Variants in ZFHX3 observed in about 807,000 individuals in gnomAD.
ZFHX3 encodes zinc finger homeobox protein 3.
A neutral mutation model predicts 279.1 loss-of-function variants in ZFHX3; 42 were observed. The ratio of observed to expected loss-of-function variants is 0.15; its 90% CI spans 0.12 to 0.19. The LOEUF (loss-of-function observed/expected upper bound fraction) is 0.19. ZFHX3 is among the 10% of genes least tolerant of loss of function. ZFHX3 has a pLI of 1.00. For synonymous variants in ZFHX3, 2,293 were observed against 1,957.8 expected, an observed-to-expected ratio of 1.17 and a Z score of -4.52; for missense variants, 4,981 against 4,754.0, an observed-to-expected ratio of 1.05 and a Z score of -1.40.
At chr16:72,922,314 C>T (rs562144990) in intron 3 of ZFHX3, among the ~76,000 whole-genome samples, 7 of 151,482 alleles carry the variant, frequency 4.6e-5, no homozygotes, top group Non-Finnish European at 7.4e-5. Flanking sequence ...CCTCCATCCT[C>T]TCCTAACCAT....
intron 7 of ZFHX3, among the ~76,000 whole-genome samples, chr16:72,806,449 C>T (rs1225439178): frequency 6.6e-6 from 1 of 152,100 alleles, no homozygotes; most frequent in Non-Finnish European, 1.5e-5. Context: ...TGGCAGTATA[C>T]CAAGGTCACT....
At chr16:72,900,855 G>A (rs1029294379) in intron 3 of ZFHX3, among the ~76,000 whole-genome samples, 2 of 152,174 alleles carry the variant, frequency 1.3e-5, no homozygotes, top group African/African-American at 2.4e-5. Flanking sequence ...CAATGGCCAC[G>A]GAAAAAGGAC....
At chr16:73,813,299 C>A (rs761671424) in intron 1 of ZFHX3, among the ~76,000 whole-genome samples, 1 of 151,486 alleles carries the variant, frequency 6.6e-6, no homozygotes, top group South Asian at 2.1e-4. Context: ...CACTAATAAG[C>A]GAGCCAGGAT....
At chr16:73,031,609 A>AACTC (rs1382177131) in intron 1 of ZFHX3, among the ~76,000 whole-genome samples, 1 of 152,240 alleles carries the variant, frequency 6.6e-6, no homozygotes, top group Non-Finnish European at 1.5e-5. Context: ...CAAAAACAAT[A>AACTC]ACTCACTAAT....
intron 1 of ZFHX3, among the ~76,000 whole-genome samples, chr16:73,709,402 A>T (rs2053335880): frequency 6.6e-6 from 1 of 151,934 alleles, no homozygotes; most frequent in Non-Finnish European, 1.5e-5. Flanking sequence ...AAAAGAAAAG[A>T]AAAAAAGAGA....
chr16:73,840,824 C>A (rs1450058645), intron 1 of ZFHX3, among the ~76,000 whole-genome samples: 3 of 152,198 alleles, frequency 2.0e-5, no homozygotes, highest in Non-Finnish European at 4.4e-5. Context: ...TTCCATTCCT[C>A]CTCCCGGTAA....
intron 2 of ZFHX3, among the ~76,000 whole-genome samples, chr16:73,478,590 T>A (rs1349936968): frequency 3.9e-5 from 6 of 152,220 alleles, no homozygotes; most frequent in African/African-American, 7.2e-5. Context: ...TAAGCAAATG[T>A]CCAAACTTTC....
At chr16:73,235,373 A>G (rs911650488) in intron 5 of ZFHX3, among the ~76,000 whole-genome samples, 1 of 152,188 alleles carries the variant, frequency 6.6e-6, no homozygotes, top group African/African-American at 2.4e-5. Flanking sequence ...GTGAGGCACC[A>G]TGCCCGGCCA....
At position 73,217,886 on chromosome 16, in the gene ZFHX3, TA is replaced by T. The variant is rs1260351289; in HGVS notation, c.-1104+39160del. Reference sequence around the variant, plus strand: ...CCTGCTGGTGGCTTTGTAGTTAACCTAAAAAAAAAAAATTAAACTCTTTTAA... The same window carrying T: ...CCTGCTGGTGGCTTTGTAGTTAACCTAAAAAAAAAAATTAAACTCTTTTAA... On this transcript the variant is annotated intron_variant, in intron 5 of 17. Transcript: ENST00000641206. Among the ~76,000 whole-genome samples, 779 of 143,844 alleles carry T rather than the reference TA, an allele frequency of 5.4e-3. 6 individuals carry two copies. The highest frequency in any genetic ancestry group is 0.019 in the East Asian group (96 of 4,974). 94.4% of individuals were successfully genotyped at this position (143,844 alleles called of 152,430 possible). A position where few individuals can be genotyped will look rare whatever the true frequency, so the allele number is the denominator to read the frequency against.
intron 5 of ZFHX3, among the ~76,000 whole-genome samples, chr16:73,176,040 A>AT (rs2144872946): frequency 6.6e-6 from 1 of 152,310 alleles, no homozygotes; most frequent in African/African-American, 2.4e-5. Flanking sequence ...CGGCTATGCC[A>AT]ATTCTCCTCT....
chr16:72,909,294 A>G (rs903510837), intron 3 of ZFHX3, among the ~76,000 whole-genome samples: 8 of 152,150 alleles, frequency 5.3e-5, no homozygotes, highest in Admixed American at 2.0e-4. Flanking sequence ...TAAGGCCCGT[A>G]CCATCTCTGT....
chr16:73,355,933 C>G (rs2016332979), intron 3 of ZFHX3, among the ~76,000 whole-genome samples: 1 of 152,134 alleles, frequency 6.6e-6, no homozygotes, highest in African/African-American at 2.4e-5. Context: ...GAGAGTTGAG[C>G]CTGGAGCCAT....
chr16:73,072,965 C>T (rs867552030), intron 8 of ZFHX3, among the ~76,000 whole-genome samples: 18 of 152,024 alleles, frequency 1.2e-4, no homozygotes, highest in Non-Finnish European at 2.5e-4. Flanking sequence ...GGCACAATCT[C>T]GGCTCACTGC....
At chr16:73,628,310 T>C (rs1458080209) in intron 2 of ZFHX3, among the ~76,000 whole-genome samples, 9 of 152,218 alleles carry the variant, frequency 5.9e-5, no homozygotes, top group Admixed American at 5.9e-4. Flanking sequence ...TTTTAAAAAG[T>C]AGATGATTCC....
chr16:73,438,080 T>TAAA (rs112284085), intron 3 of ZFHX3, among the ~76,000 whole-genome samples: 1 of 146,060 alleles, frequency 6.8e-6, no homozygotes, highest in African/African-American at 2.5e-5. Flanking sequence ...GCTCTAAACC[T>TAAA]AAAAAAAAAA....
chr16:72,788,975 G>A (rs1167097485), intron 9 of ZFHX3, 127 bp from the exon 10 acceptor site: 6 of 1,372,430 alleles, frequency 4.4e-6, no homozygotes, highest in South Asian at 1.8e-5. Context: ...CTCTCAAAAC[G>A]AACATTTCCA....
At chr16:73,055,326 GTCTA>G (rs1367946059) in intron 1 of ZFHX3, among the ~76,000 whole-genome samples, 1 of 151,966 alleles carries the variant, frequency 6.6e-6, no homozygotes, top group Non-Finnish European at 1.5e-5. Context: ...GGGAGCCTAT[GTCTA>G]TGCAGGCATA....
In ZFHX3 at chr16:73,804,829, T is replaced by C. The variant is rs539367188; in HGVS notation, c.-1608+86822A>G. Among the ~76,000 whole-genome samples the C allele has an allele frequency of 5.5e-4, 81 of 147,346 alleles. 4 individuals are homozygous for C. Among genetic ancestry groups the C allele is most frequent in the Middle Eastern group, 3.6e-3 (1 of 278 alleles). On this transcript the variant is annotated intron_variant, in intron 1 of 17. Transcript: ENST00000641206. ...TCTCTAAACTCTATGAAATCTTCTA[T>C]GGCCAAAACACTATACACATACTAC...
At chr16:73,674,922 C>A (rs988600972) in intron 2 of ZFHX3, among the ~76,000 whole-genome samples, 1 of 152,052 alleles carries the variant, frequency 6.6e-6, no homozygotes, top group Non-Finnish European at 1.5e-5. Flanking sequence ...TGAACCCAGC[C>A]CAAATTACTG....
Sources: allele counts gnomAD v4.1 joint callset (sites outside exome capture counted in the v4.1 genomes callset), GRCh38; gene constraint gnomAD v4.1.1; transcripts MANE v1.5; gene names NCBI Gene and HGNC (gene_info 2026-07-23, HGNC 2026-07-21).